The following KCNQ5 variants were observed in gnomAD, a reference collection of about 807,000 sequenced individuals.
KCNQ5 encodes potassium voltage-gated channel subfamily Q member 5, also known as potassium voltage-gated channel subfamily KQT member 5.
In KCNQ5, 30 loss-of-function variants were observed where a neutral mutation model predicts 98.2. That is an observed-to-expected ratio of 0.31 (90% CI 0.23 to 0.41). The LOEUF is 0.41. Ranked by LOEUF, KCNQ5 falls within the 10% of genes least tolerant of loss-of-function variation. The probability of loss-of-function intolerance (pLI) is 1.00; values close to 1 mark genes in which losing one functional copy is unlikely to be tolerated. For synonymous variants in KCNQ5, 458 were observed against 449.4 expected, an observed-to-expected ratio of 1.02 and a Z score of -0.24; for missense variants, 835 against 1,182.5, an observed-to-expected ratio of 0.71 and a Z score of 4.31.
chr6:72,784,677 C>A (rs1233061116), intron 1 of KCNQ5, among the ~76,000 whole-genome samples: 1 of 152,176 alleles, frequency 6.6e-6, no homozygotes. Context: ...GCACCTCCAA[C>A]CTGCATTCCA....
intron 3 of KCNQ5, among the ~76,000 whole-genome samples, chr6:73,076,288 T>A (rs969303997): frequency 6.6e-6 from 1 of 152,216 alleles, no homozygotes; most frequent in Non-Finnish European, 1.5e-5. Context: ...TGTGACATCC[T>A]TGAAATGGAA....
intron 1 of KCNQ5, among the ~76,000 whole-genome samples, chr6:72,726,086 G>GA (rs1390685105): frequency 7.9e-6 from 1 of 127,140 alleles, no homozygotes; most frequent in Non-Finnish European, 1.6e-5. Context: ...CATTATCTAA[G>GA]AAAAAAATTG....
chr6:73,056,556 G>T (rs1772505228), intron 3 of KCNQ5, among the ~76,000 whole-genome samples: 1 of 152,050 alleles, frequency 6.6e-6, no homozygotes, highest in Admixed American at 6.6e-5. Flanking sequence ...TGAGGGGCAG[G>T]AGTGCTTCAT....
chr6:73,127,415 C>T (rs1240060315), intron 9 of KCNQ5, among the ~76,000 whole-genome samples: 1 of 152,164 alleles, frequency 6.6e-6, no homozygotes, highest in Non-Finnish European at 1.5e-5. Flanking sequence ...CTCCTAAGTC[C>T]TTCTTCATGG....
intron 1 of KCNQ5, among the ~76,000 whole-genome samples, chr6:73,000,745 T>C (rs1394213875): frequency 6.6e-6 from 1 of 152,208 alleles, no homozygotes; most frequent in Non-Finnish European, 1.5e-5. Flanking sequence ...CTAACCTAGA[T>C]TCACTGTTAC....
intron 1 of KCNQ5, among the ~76,000 whole-genome samples, chr6:72,661,108 C>G (rs1026580063): frequency 1.3e-5 from 2 of 151,746 alleles, no homozygotes; most frequent in African/African-American, 4.8e-5. Flanking sequence ...AATCATTTTC[C>G]AAAGGAAACT....
intron 2 of KCNQ5, among the ~76,000 whole-genome samples, chr6:73,029,399 C>G (rs1178087071): frequency 6.6e-6 from 1 of 151,804 alleles, no homozygotes; most frequent in Non-Finnish European, 1.5e-5. Context: ...TAAATATTTG[C>G]CATGTGCTAT....
intron 1 of KCNQ5, among the ~76,000 whole-genome samples, chr6:72,927,558 T>A (rs897103081): frequency 6.6e-6 from 1 of 151,918 alleles, no homozygotes; most frequent in African/African-American, 2.4e-5. Flanking sequence ...CACAACAGAA[T>A]CACATCAATC....
chr6:73,043,517 C>T (rs1771816147), intron 3 of KCNQ5, among the ~76,000 whole-genome samples: 1 of 152,130 alleles, frequency 6.6e-6, no homozygotes, highest in African/African-American at 2.4e-5. Context: ...CCTGGAGATG[C>T]TTTTTTCTCT....
At chr6:73,164,357 G>A (rs1777715851) in intron 10 of KCNQ5, among the ~76,000 whole-genome samples, 1 of 152,066 alleles carries the variant, frequency 6.6e-6, no homozygotes, top group Non-Finnish European at 1.5e-5. Flanking sequence ...CTATTCATTT[G>A]CTCTAACTAC....
intron 11 of KCNQ5, among the ~76,000 whole-genome samples, chr6:73,184,315 C>A (rs2150517741): frequency 6.6e-6 from 1 of 152,250 alleles, no homozygotes; most frequent in African/African-American, 2.4e-5. Context: ...TTTTCTGAAC[C>A]CCACATGGTC....
At chr6:72,650,223 C>A (rs947761538) in intron 1 of KCNQ5, among the ~76,000 whole-genome samples, 4 of 152,068 alleles carry the variant, frequency 2.6e-5, no homozygotes, top group African/African-American at 9.7e-5. Flanking sequence ...CCCCTATTTT[C>A]TTTTCTTTGA....
intron 10 of KCNQ5, among the ~76,000 whole-genome samples, chr6:73,139,175 C>A (rs141225721): frequency 2.0e-5 from 3 of 152,304 alleles, no homozygotes; most frequent in African/African-American, 7.2e-5. Context: ...CAGAAAGAGG[C>A]CATCTTATGT....
intron 1 of KCNQ5, among the ~76,000 whole-genome samples, chr6:72,715,599 C>G (rs936358515): frequency 6.6e-6 from 1 of 152,076 alleles, no homozygotes; most frequent in Non-Finnish European, 1.5e-5. Context: ...TAGTGAGCCT[C>G]CTTGGTCGCT....
chr6:72,856,485 C>CACAT (rs1777539623), intron 1 of KCNQ5, among the ~76,000 whole-genome samples: 1 of 151,400 alleles, frequency 6.6e-6, no homozygotes, highest in Non-Finnish European at 1.5e-5. Flanking sequence ...CACACACACA[C>CACAT]ACACACACAC....
intron 2 of KCNQ5, among the ~76,000 whole-genome samples, chr6:73,018,723 AG>A (rs1379650983): frequency 1.3e-5 from 2 of 152,190 alleles, no homozygotes; most frequent in African/African-American, 4.8e-5. Context: ...ATGCAAATAC[AG>A]TCAATCTGCT....
rs537028592 is a variant in KCNQ5 at position 72,791,263 on chromosome 6, A to G, written c.398+168676A>G. On this transcript the variant is annotated intron_variant, in intron 1 of 13. Coordinates refer to ENST00000370398, the MANE Select transcript of KCNQ5 (RefSeq NM_019842.4). ...CCAAAGTGTGCTGTAATGTATGTCC[A>G]TGTACTCACACATGCATATCCACAC... Among the ~76,000 whole-genome samples, 8 of 152,316 alleles carry G rather than the reference A, an allele frequency of 5.3e-5. 2 individuals carry two copies. Among genetic ancestry groups the G allele is most frequent in the African/African-American group, 1.9e-4 (8 of 41,578 alleles).
At chr6:73,029,109 G>A (rs866393513) in intron 2 of KCNQ5, among the ~76,000 whole-genome samples, 1 of 152,190 alleles carries the variant, frequency 6.6e-6, no homozygotes, top group African/African-American at 2.4e-5. Context: ...TTGATGATGT[G>A]AGCAGAGGTG....
intron 1 of KCNQ5, among the ~76,000 whole-genome samples, chr6:72,818,490 A>G (rs563863234): frequency 6.6e-6 from 1 of 152,162 alleles, no homozygotes; most frequent in South Asian, 2.1e-4. Flanking sequence ...CTATGTGACA[A>G]TCTTAATTAT....
Sources: allele counts gnomAD v4.1 joint callset (sites outside exome capture counted in the v4.1 genomes callset), GRCh38; gene constraint gnomAD v4.1.1; transcripts MANE v1.5; gene names NCBI Gene and HGNC (gene_info 2026-07-23, HGNC 2026-07-21).